EIF4G1: variants seen among roughly 807,000 people sequenced by gnomAD.
The protein encoded by EIF4G1 is eukaryotic translation initiation factor 4 gamma 1.
A neutral mutation model predicts 187.8 loss-of-function variants in EIF4G1; 4 were observed. The observed-to-expected ratio is 0.02, with a 90% CI of 0.01 to 0.05. The LOEUF is 0.05. Among genes scored for constraint, EIF4G1 ranks in the 10% least tolerant of loss-of-function variants. EIF4G1 has a pLI of 1.00. For synonymous variants in EIF4G1, 844 were observed against 781.4 expected (o/e 1.08, Z -1.34); for missense variants, 1,647 against 2,081.1 (o/e 0.79, Z 4.06).
At chr3:184,319,845 A>G in intron 7 of EIF4G1, 44 bp downstream of exon 7, 1 of 1,373,714 alleles carries the variant, frequency 7.3e-7, no homozygotes. Context: ...GAAGGGGAGA[A>G]TCAAGGTCAG....
At chr3:184,324,770 G>A in intron 17 of EIF4G1, 108 bp from the exon 18 acceptor site, 1 of 1,238,050 alleles carries the variant, frequency 8.1e-7, no homozygotes, top group Non-Finnish European at 1.2e-6. Context: ...CAGCCAGCCG[G>A]CCTCAGGACT....
Position 184,327,590 on chromosome 3 carries a change from G to T in EIF4G1, c.3666G>T (p.Lys1222Asn). 2 of 1,614,134 alleles carry T rather than the reference G, an allele frequency of 1.2e-6. No individual in the cohort carries two copies. The highest frequency in any genetic ancestry group is 1.7e-6 in the Non-Finnish European group (2 of 1,179,962). The change falls in exon 25 of 33, where the codon AAG (lysine) becomes AAT (asparagine). Residue 1222 changes from lysine (K) to asparagine (N), a missense_variant. Transcript: ENST00000346169. ...ATCTGTGTTCTCTTCCCACAGTGAAGCGAGAAGCTGCCCTACCCCCAGTGA... is the reference window on the plus strand; with the variant it reads ...ATCTGTGTTCTCTTCCCACAGTGAATCGAGAAGCTGCCCTACCCCCAGTGA... ...EDRDRGRDAVKREAALPPVSP... is the reference protein window; with the variant it reads ...EDRDRGRDAVNREAALPPVSP...
At position 184,326,535 on chromosome 3, in the gene EIF4G1, C is replaced by T. The variant is rs757004980; in HGVS notation, c.3231C>T (p.Ser1077=). The change falls in exon 22 of 33, where the codon TCC becomes TCT. Residue 1077 remains serine (S), a synonymous_variant. Coordinates refer to ENST00000346169, the MANE Select transcript of EIF4G1 (RefSeq NM_198241.3). ...SRLTKITKPG[S]IDSNNQLFAP... ...CCCCTTTTCTTCTTCAGCCTGGCTC[C>T]ATCGATTCTAACAACCAGCTCTTTG... The T allele has an allele frequency of 6.2e-7, 1 of 1,613,826 alleles. No homozygotes were observed. Among genetic ancestry groups the T allele is most frequent in the Non-Finnish European group, 8.5e-7 (1 of 1,180,042 alleles).
intron 1 of EIF4G1, 104 bp from the exon 2 acceptor site, chr3:184,315,385 C>T (rs369864792): frequency 1.1e-5 from 6 of 526,418 alleles, no homozygotes; most frequent in African/African-American, 1.9e-5. Context: ...CAGCTAGCTC[C>T]GTTCGTGATC....
Position 184,321,866 on chromosome 3 carries a change from G to A in EIF4G1, c.1282G>A (p.Val428Met), listed in dbSNP as rs1723944085. Residue 428 changes from valine to methionine, a missense_variant, in exon 10 of 33, where the codon GTG (valine) becomes ATG (methionine). Physicochemically the swap from Val to Met is conservative, Grantham distance 21. Transcript: ENST00000346169. ...VSEPEEQAKE[V>M]TASMAPPTIP... ...TGAGCCAGAGGAGCAGGCCAAGGAG[G>A]TGACAGCATCAATGGCGCCCCCCAC... The A allele has an allele frequency of 8.7e-6, 14 of 1,614,110 alleles. No homozygotes were observed. The highest frequency in any genetic ancestry group is 1.2e-5 in the Non-Finnish European group (14 of 1,179,974).
At chr3:184,332,143 C>CA in intron 32 of EIF4G1, 57 bp downstream of exon 32, 6 of 1,612,074 alleles carry the variant, frequency 3.7e-6, no homozygotes, top group Non-Finnish European at 5.1e-6. Context: ...GATAGCAGGG[C>CA]ATGAGACCCT....
At chr3:184,328,038 G>T in intron 26 of EIF4G1, 36 bp downstream of exon 26, 2 of 1,597,576 alleles carry the variant, frequency 1.3e-6, no homozygotes, top group South Asian at 1.1e-5. Flanking sequence ...CACTTATACA[G>T]ACCCACAATT....
rs369679218 is a variant in EIF4G1 at position 184,331,587 on chromosome 3, G to C, written c.4376G>C (p.Arg1459Pro). 2 of 1,613,188 alleles carry C rather than the reference G, an allele frequency of 1.2e-6. No individual in the cohort carries two copies. Among genetic ancestry groups the C allele is most frequent in the Non-Finnish European group, 1.7e-6 (2 of 1,179,806 alleles). ...KLLKEGSSNQ[R>P]VFDWIEANLS... ...CTGAAGGAGGGCAGCAGTAACCAGC[G>C]GGTGTTCGACTGGATAGAGGTAGGT... Residue 1459 changes from arginine (R) to proline (P), a missense_variant, in exon 30 of 33, where the codon CGG (arginine) becomes CCG (proline). Around this residue, in one of 11 missense-constraint regions of EIF4G1, gnomAD observed 543 missense variants for 638.0 expected, o/e 0.85. Transcript: ENST00000346169.
intron 5 of EIF4G1, 21 bp from the exon 6 acceptor site, chr3:184,317,696 C>T (rs2108465280): frequency 1.2e-6 from 2 of 1,605,042 alleles, no homozygotes; most frequent in East Asian, 4.5e-5. Flanking sequence ...TCCTTCTCTC[C>T]CTCTCCCCCT....
At chr3:184,318,173 G>A (rs1420164735) in intron 6 of EIF4G1, among the ~76,000 whole-genome samples, 1 of 152,148 alleles carries the variant, frequency 6.6e-6, no homozygotes, top group Non-Finnish European at 1.5e-5. Context: ...TTCTAGGGAA[G>A]GATTAGTCTG....
intron 11 of EIF4G1, 32 bp downstream of exon 11, chr3:184,322,482 C>T (rs1724086620): frequency 1.4e-5 from 22 of 1,613,652 alleles, no homozygotes; most frequent in Middle Eastern, 1.6e-4. Flanking sequence ...GGGGAGAGGG[C>T]CAAGTTGAGG....
rs1242685179 is a variant in EIF4G1 at position 184,325,135 on chromosome 3, AG to A, written c.2856+26del. ...CCAAGGTAGAGGTCCTTGCATCTGG[AG>A]GGGGATGGGCTGAAGCATATGTGGG... On this transcript the variant is annotated intron_variant, in intron 18 of 32. Coordinates refer to ENST00000346169, the MANE Select transcript of EIF4G1 (RefSeq NM_198241.3). This position sits in a 1 kb window ranked among gnomAD's most constrained non-coding sequence, Gnocchi z 5.2. 3 of 1,611,850 alleles carry A rather than the reference AG, an allele frequency of 1.9e-6. No individual in the cohort carries two copies. The highest frequency in any genetic ancestry group is 2.5e-6 in the Non-Finnish European group (3 of 1,178,602).
intron 10 of EIF4G1, 66 bp from the exon 11 acceptor site, chr3:184,322,296 G>C: frequency 2.6e-6 from 4 of 1,553,314 alleles, no homozygotes; most frequent in Non-Finnish European, 3.5e-6. Flanking sequence ...CTATTTCCCA[G>C]GGATTAAGGG....
Position 184,326,538 on chromosome 3 carries a change from C to T in EIF4G1, c.3234C>T (p.Ile1078=), listed in dbSNP as rs140705298. Reference sequence around the variant, plus strand: ...CTTTTCTTCTTCAGCCTGGCTCCATCGATTCTAACAACCAGCTCTTTGCAC... The same window carrying T: ...CTTTTCTTCTTCAGCCTGGCTCCATTGATTCTAACAACCAGCTCTTTGCAC... ...RLTKITKPGS[I]DSNNQLFAPG... The change falls in exon 22 of 33, where the codon ATC becomes ATT. Residue 1078 remains isoleucine, a synonymous_variant. Coordinates refer to ENST00000346169, the MANE Select transcript of EIF4G1 (RefSeq NM_198241.3). 255 of 1,613,862 alleles carry T rather than the reference C, an allele frequency of 1.6e-4. 1 individual carries two copies. The highest frequency in any genetic ancestry group is 1.6e-4 in the Middle Eastern group (1 of 6,062).
At chr3:184,329,157 A>G in intron 28 of EIF4G1, 167 bp downstream of exon 28, 1 of 764,886 alleles carries the variant, frequency 1.3e-6, no homozygotes, top group Non-Finnish European at 2.2e-6. Context: ...CCCGCACACC[A>G]GTTCCTATCA....
intron 26 of EIF4G1, 85 bp from the exon 27 acceptor site, chr3:184,328,546 G>A (rs1170514249): frequency 1.3e-6 from 2 of 1,597,684 alleles, no homozygotes; most frequent in African/African-American, 2.7e-5. Flanking sequence ...GGGTTCCATA[G>A]TTGATGCCCT....
At chr3:184,316,345 G>A (rs2108459182) in intron 4 of EIF4G1, 127 bp downstream of exon 4, 1 of 1,244,646 alleles carries the variant, frequency 8.0e-7, no homozygotes, top group Non-Finnish European at 1.1e-6. Context: ...TCTTTCATGC[G>A]GCTCTGCGCC....
chr3:184,317,682 C>A (rs905996095), intron 5 of EIF4G1, 35 bp from the exon 6 acceptor site: 4 of 1,585,478 alleles, frequency 2.5e-6, no homozygotes, highest in Non-Finnish European at 3.5e-6. Flanking sequence ...ATAGCTCCCT[C>A]AACTCCTTCT....
Position 184,335,039 on chromosome 3 carries a change from A to C in EIF4G1, c.*131A>C. The C allele has an allele frequency of 2.3e-6, 3 of 1,288,466 alleles. No homozygotes were observed. The highest frequency in any genetic ancestry group is 2.2e-6 in the Non-Finnish European group (2 of 927,360). 79.8% of individuals were successfully genotyped at this position (1,288,466 alleles called of 1,614,324 possible). A position where few individuals can be genotyped will look rare whatever the true frequency, so the allele number is the denominator to read the frequency against. On this transcript the variant is annotated 3_prime_UTR_variant, in exon 33 of 33. Coordinates refer to ENST00000346169, the MANE Select transcript of EIF4G1 (RefSeq NM_198241.3). ...GTAGTGTGATGTGTCTGAACTAATA[A>C]AGTGGCTGAAGAGGCAGGATGGCTT...
Sources: gnomAD v4.1 joint callset for allele counts (sites outside exome capture counted in the v4.1 genomes callset) on GRCh38, gnomAD v4.1.1 for gene constraint, gnomAD v4.1.1 regional missense constraint, Gnocchi (gnomAD v3.1) non-coding constraint, MANE v1.5 for transcripts, NCBI Gene and HGNC (gene_info 2026-07-23, HGNC 2026-07-21) for gene names.